Variants in MEN1 observed in about 807,000 individuals in gnomAD.
MEN1 encodes the protein menin 1.
A neutral mutation model predicts 58.0 loss-of-function variants in MEN1; 6 were observed. The ratio of observed to expected loss-of-function variants is 0.10; its 90% CI spans 0.06 to 0.20. The LOEUF is 0.20. Ranked by LOEUF, MEN1 falls within the 10% of genes least tolerant of loss-of-function variation. MEN1 has a pLI of 1.00. For synonymous variants in MEN1, 346 were observed against 350.7 expected (o/e 0.99, Z 0.15); for missense variants, 492 against 818.5 (o/e 0.60, Z 4.87).
intron 2 of MEN1, 133 bp from the exon 3 acceptor site, chr11:64,808,232 A>G (rs1941883472): frequency 1.2e-6 from 1 of 802,862 alleles, no homozygotes. Flanking sequence ...TCTCCTGCCC[A>G]CTATCCCTCC....
At chr11:64,810,228 C>G (rs1942040861) in intron 1 of MEN1, 96 bp from the exon 2 acceptor site, 1 of 747,090 alleles carries the variant, frequency 1.3e-6, no homozygotes, top group Non-Finnish European at 2.1e-6. Flanking sequence ...GACACACGCA[C>G]AGCTCCCCTG....
rs1298484645 is a variant in MEN1, at chr11:64,805,666, G to A, written c.1154C>T (p.Ala385Val). Reference protein sequence around the residue: ...LLKEAASLLEAGEERPGEQSQ... With the variant: ...LLKEAASLLEVGEERPGEQSQ... ...TTGCTCCCCCGGCCGCTCCTCGCCC[G>A]CCTCCAGCAAGCTGGCTGCCTCCTT... The change falls in exon 8 of 10, where the codon GCG becomes GTG. Residue 385 changes from alanine (A) to valine (V), a missense_variant. This residue lies in a region of MEN1 where 335 missense variants were observed against 550.3 expected (regional missense o/e 0.61). Transcript: ENST00000450708. 17 of 1,614,058 alleles carry A rather than the reference G, an allele frequency of 1.1e-5. No homozygotes were observed. The highest frequency in any genetic ancestry group is 1.7e-5 in the Admixed American group (1 of 60,028).
chr11:64,805,311 A>G (rs1283315916), intron 8 of MEN1, 113 bp from the exon 9 acceptor site: 26 of 1,261,212 alleles, frequency 2.1e-5, no homozygotes, highest in Non-Finnish European at 2.5e-5. Context: ...AAAGGTAAGC[A>G]TAGGTTGGGA....
chr11:64,806,438 C>T (rs1941739187), intron 6 of MEN1, 70 bp from the exon 7 acceptor site: 11 of 1,572,244 alleles, frequency 7.0e-6, no homozygotes, highest in Non-Finnish European at 9.6e-6. Flanking sequence ...AAATGCCCCA[C>T]CAGGGCACAC....
Position 64,807,870 on chromosome 11 carries a change from G to A in MEN1, c.654+21C>T, listed in dbSNP as rs2136147386. 6.2e-7 allele frequency: 1 copy of A among 1,613,678 alleles called. No homozygotes were observed. Among genetic ancestry groups the A allele is most frequent in the South Asian group, 1.1e-5 (1 of 91,066 alleles). On this transcript the variant is annotated intron_variant, in intron 3 of 9. Coordinates refer to ENST00000450708, the MANE Select transcript of MEN1 (RefSeq NM_001370259.2). The surrounding 1 kb of genome is among the most constrained non-coding windows in gnomAD (Gnocchi z 4.9). ...GCTACTACAGTATGAAGGGGACAAGGCTGGGGGGAGGGAACAATACCCGCT... is the reference window on the plus strand; with the variant it reads ...GCTACTACAGTATGAAGGGGACAAGACTGGGGGGAGGGAACAATACCCGCT...
rs1941589131 is a variant in MEN1 at position 64,804,929 on chromosome 11, C to T, written c.1350+105G>A. The T allele has an allele frequency of 6.3e-7, 1 of 1,598,166 alleles. No homozygotes were observed. Among genetic ancestry groups the T allele is most frequent in the Admixed American group, 1.7e-5 (1 of 60,016 alleles). On this transcript the variant is annotated intron_variant, in intron 9 of 9. Coordinates refer to ENST00000450708, the MANE Select transcript of MEN1 (RefSeq NM_001370259.2). The surrounding 1 kb of genome is among the most constrained non-coding windows in gnomAD (Gnocchi z 4.2). ...CCAGGGGGTCTCAGTCCCATCGGCA[C>T]CCAAGGGGATGGGCAGATGCTGCCC...
chr11:64,804,789 G>C lies in MEN1; in HGVS notation c.1378C>G (p.Arg460Gly), dbSNP rs104894267. Reference protein sequence around the residue: ...QVRQKVRIVSREAEAAEAEEP... With the variant: ...QVRQKVRIVSGEAEAAEAEEP... ...TCGGCCTCGGCCGCCTCGGCCTCTC[G>C]GCTCACTATGCGCACCTTCTGCCGC... is the stretch of plus-strand genomic sequence containing the variant. Residue 460 changes from arginine (R) to glycine (G), a missense_variant, in exon 10 of 10, where the codon CGA becomes GGA. By Grantham distance (125) the Arg-to-Gly change is moderately radical. Around this residue, in one of 5 missense-constraint regions of MEN1, gnomAD observed 45 missense variants for 66.9 expected, o/e 0.67. Coordinates refer to ENST00000450708, the MANE Select transcript of MEN1 (RefSeq NM_001370259.2). The surrounding 1 kb of genome is among the most constrained non-coding windows in gnomAD (Gnocchi z 4.2). 2 of 1,597,008 alleles carry C rather than the reference G, an allele frequency of 1.3e-6. No homozygotes were observed. Among genetic ancestry groups the C allele is most frequent in the Non-Finnish European group, 1.7e-6 (2 of 1,179,142 alleles).
In MEN1 at chr11:64,805,695, C is replaced by T. The variant is rs867481093; in HGVS notation, c.1125G>A (p.Leu375=). 1 of 1,614,204 alleles carries T rather than the reference C, an allele frequency of 6.2e-7. No individual in the cohort carries two copies. The highest frequency in any genetic ancestry group is 1.3e-5 in the African/African-American group (1 of 75,060). ...FEVANDVIPN[L]LKEAASLLEA... ...CCAGCAAGCTGGCTGCCTCCTTCAGCAGGTTGGGGATGACATCATTGGCTA... is the reference window on the plus strand; with the variant it reads ...CCAGCAAGCTGGCTGCCTCCTTCAGTAGGTTGGGGATGACATCATTGGCTA... Residue 375 remains leucine (L), a synonymous_variant, in exon 8 of 10, where the codon CTG becomes CTA. Transcript: ENST00000450708.
intron 7 of MEN1, 43 bp downstream of exon 7, chr11:64,806,186 AGGG>A (rs1184660687): frequency 6.2e-7 from 1 of 1,611,742 alleles, no homozygotes; most frequent in African/African-American, 1.3e-5. Flanking sequence ...AAACTGATGG[AGGG>A]GAAGAAAGGA....
At chr11:64,810,851 G>T (rs1175116586), upstream of MEN1, 1 of 152,236 alleles carries the variant, frequency 6.6e-6, no homozygotes, top group Non-Finnish European at 1.5e-5. Context: ...CCGAGCTTCT[G>T]CCGGTTTTGC....
chr11:64,804,084 C>T lies in MEN1; in HGVS notation c.*250G>A. ...TTAAAGACTGGTAATTAGGACCCAGCGTGAGGTTTCCATTGGCCGGCTGGG... is the reference window on the plus strand; with the variant it reads ...TTAAAGACTGGTAATTAGGACCCAGTGTGAGGTTTCCATTGGCCGGCTGGG... On this transcript the variant is annotated 3_prime_UTR_variant, in exon 10 of 10. Coordinates refer to ENST00000450708, the MANE Select transcript of MEN1 (RefSeq NM_001370259.2). This position sits in a 1 kb window ranked among gnomAD's most constrained non-coding sequence, Gnocchi z 4.2. The T allele has an allele frequency of 3.6e-6, 2 of 552,928 alleles. No homozygotes were observed. The highest frequency in any genetic ancestry group is 3.1e-5 in the East Asian group (1 of 32,214). The allele number at this position is 552,928 out of a possible 1,614,324, so 34.3% of individuals were successfully genotyped here.
intron 2 of MEN1, 78 bp downstream of exon 2, chr11:64,809,587 C>A: frequency 1.3e-6 from 2 of 1,566,640 alleles, no homozygotes; most frequent in South Asian, 2.3e-5. Flanking sequence ...GCTTACAGTT[C>A]TTAAAAGGGT....
chr11:64,805,182 C>T lies in MEN1; in HGVS notation c.1202G>A (p.Gly401Asp), dbSNP rs878855186. The T allele has an allele frequency of 6.2e-7, 1 of 1,613,772 alleles. No individual in the cohort carries two copies. The highest frequency in any genetic ancestry group is 1.7e-5 in the Admixed American group (1 of 60,022). The change falls in exon 9 of 10, where the codon GGT becomes GAT. Residue 401 changes from glycine (G) to aspartate (D), a missense_variant. This residue lies in a region of MEN1 where 335 missense variants were observed against 550.3 expected (regional missense o/e 0.61). Coordinates refer to ENST00000450708, the MANE Select transcript of MEN1 (RefSeq NM_001370259.2). ...GCACTCAGGGTCCTGGAGGGCGGAA[C>T]CTTGGCTCTGGGTGCCCTGGACGAG... ...GEQSQGTQSQ[G>D]SALQDPECFA...
intron 7 of MEN1, 49 bp downstream of exon 7, chr11:64,806,183 T>C (rs1565643499): frequency 6.2e-7 from 1 of 1,611,368 alleles, no homozygotes; most frequent in African/African-American, 1.3e-5. Context: ...TGGAAACTGA[T>C]GGAGGGGAAG....
In MEN1 at chr11:64,805,011, ACCTCT is replaced by A; in HGVS notation, c.1350+18_1350+22del. ...TGCTGTCACCACCTGTAGTGCCCAG[ACCTCT>A]GTGCAGCTGTCCCTCACCTGTCCCT... On this transcript the variant is annotated intron_variant, in intron 9 of 9. Coordinates refer to ENST00000450708, the MANE Select transcript of MEN1 (RefSeq NM_001370259.2). The A allele has an allele frequency of 6.2e-7, 1 of 1,612,438 alleles. No homozygotes were observed. Among genetic ancestry groups the A allele is most frequent in the Non-Finnish European group, 8.5e-7 (1 of 1,179,996 alleles).
At position 64,810,039 on chromosome 11, in the gene MEN1, G is replaced by A. The variant is rs1328062930; in HGVS notation, c.71C>T (p.Ala24Val). Residue 24 changes from alanine to valine, a missense_variant, in exon 2 of 10, where the codon GCT becomes GTT. Coordinates refer to ENST00000450708, the MANE Select transcript of MEN1 (RefSeq NM_001370259.2). ...RSIDDVVRLF[A>V]AELGREEPDL... is the part of the protein sequence containing the mutation. ...CGGCTCCTCTCGGCCCAGCTCGGCA[G>A]CAAACAGGCGCACCACGTCGTCGAT... The A allele has an allele frequency of 1.9e-6, 3 of 1,609,548 alleles. No individual in the cohort carries two copies. The highest frequency in any genetic ancestry group is 2.5e-6 in the Non-Finnish European group (3 of 1,178,206).
rs1555163730 is a variant in MEN1, at chr11:64,804,739, C to G, written c.1428G>C (p.Arg476=). 13 of 1,597,194 alleles carry G rather than the reference C, an allele frequency of 8.1e-6. No individual in the cohort carries two copies. The highest frequency in any genetic ancestry group is 1.8e-4 in the Middle Eastern group (1 of 5,500). Residue 476 remains arginine, a synonymous_variant, in exon 10 of 10, where the codon CGG becomes CGC. Transcript: ENST00000450708. This position sits in a 1 kb window ranked among gnomAD's most constrained non-coding sequence, Gnocchi z 4.2. ...GCCGTGGGCCCCGCCGCCGGCCTTC[C>G]CGGGCTTCCTCGCCCCACGGCTCCT... The part of the protein sequence containing the change: ...EAEEPWGEEA[R]EGRRRGPRRE...
intron 2 of MEN1, 70 bp downstream of exon 2, chr11:64,809,595 G>T (rs1005396452): frequency 6.4e-7 from 1 of 1,571,542 alleles, no homozygotes; most frequent in Admixed American, 1.7e-5. Flanking sequence ...TTCTTAAAAG[G>T]GTTCTGTAAA....
rs768507714 is a variant in MEN1 at position 64,804,568 on chromosome 11, G to A, written c.1599C>T (p.Ser533=). Residue 533 remains serine, a synonymous_variant, in exon 10 of 10, where the codon AGC becomes AGT. Transcript: ENST00000450708. The surrounding 1 kb of genome is among the most constrained non-coding windows in gnomAD (Gnocchi z 4.2). ...AGTARGPEGG[S]TAQVPAPTAS... ...CTGTGGGTGCTGGCACCTGAGCCGT[G>A]CTGCCACCTTCAGGGCCTCGGGCTG... The A allele has an allele frequency of 1.2e-6, 2 of 1,613,200 alleles. No homozygotes were observed. Among genetic ancestry groups the A allele is most frequent in the Non-Finnish European group, 8.5e-7 (1 of 1,179,984 alleles).
Sources: gnomAD v4.1 joint callset for allele counts on GRCh38, gnomAD v4.1.1 for gene constraint, gnomAD v4.1.1 regional missense constraint, Gnocchi (gnomAD v3.1) non-coding constraint, MANE v1.5 for transcripts, NCBI Gene and HGNC (gene_info 2026-07-23, HGNC 2026-07-21) for gene names.